Variants in TAFA2 observed in about 807,000 individuals in gnomAD.
The protein encoded by TAFA2 is TAFA chemokine like family member 2, also known as chemokine-like protein TAFA-2.
In TAFA2, 7 loss-of-function variants were observed where a neutral mutation model predicts 18.8. That is an observed-to-expected ratio of 0.37 (90% confidence interval 0.21 to 0.70). The LOEUF (loss-of-function observed/expected upper bound fraction) is 0.70. TAFA2 is among the 30% of genes least tolerant of loss of function. The pLI is 0.53. For synonymous variants in TAFA2, 60 were observed against 54.2 expected (o/e 1.11, Z -0.47); for missense variants, 122 against 158.1 (o/e 0.77, Z 1.23).
chr12:61,882,043 T>C (rs934075643), intron 1 of TAFA2, among the ~76,000 whole-genome samples: 16 of 152,190 alleles, frequency 1.1e-4, no homozygotes, highest in Admixed American at 6.5e-4. Flanking sequence ...TGAGTGCCAT[T>C]ATATGAAATA....
intron 1 of TAFA2, among the ~76,000 whole-genome samples, chr12:61,940,782 G>A (rs1004409917): frequency 1.3e-5 from 2 of 152,166 alleles, no homozygotes; most frequent in African/African-American, 4.8e-5. Flanking sequence ...GTAGAATGGA[G>A]GAAGAAGGAG....
At chr12:61,764,003 G>A (rs973964169) in intron 2 of TAFA2, among the ~76,000 whole-genome samples, 1 of 151,764 alleles carries the variant, frequency 6.6e-6, no homozygotes, top group Non-Finnish European at 1.5e-5. Context: ...TTAAATTAAA[G>A]CTATAATTAA....
intron 1 of TAFA2, among the ~76,000 whole-genome samples, chr12:62,170,831 C>T (rs2062472884): frequency 6.6e-6 from 1 of 152,132 alleles, no homozygotes; most frequent in Non-Finnish European, 1.5e-5. Flanking sequence ...ACTCTGTGTT[C>T]ATGTGTACAC....
intron 2 of TAFA2, among the ~76,000 whole-genome samples, chr12:61,835,544 T>G (rs1872886652): frequency 1.3e-5 from 2 of 151,766 alleles, no homozygotes; most frequent in South Asian, 4.2e-4. Flanking sequence ...AAGACTAGGG[T>G]TTTTAATGAT....
intron 1 of TAFA2, among the ~76,000 whole-genome samples, chr12:62,122,926 C>T (rs546488506): frequency 5.3e-5 from 8 of 152,204 alleles, no homozygotes; most frequent in African/African-American, 1.9e-4. Context: ...GCTTTTCTAC[C>T]ATGGAGAACC....
At chr12:62,094,273 G>A (rs1169775431) in intron 1 of TAFA2, among the ~76,000 whole-genome samples, 1 of 152,010 alleles carries the variant, frequency 6.6e-6, no homozygotes, top group African/African-American at 2.4e-5. Flanking sequence ...ATAAGTGGGA[G>A]CTAAGCTATG....
intron 1 of TAFA2, among the ~76,000 whole-genome samples, chr12:61,950,035 T>A (rs1278508755): frequency 6.6e-6 from 1 of 152,166 alleles, no homozygotes; most frequent in Non-Finnish European, 1.5e-5. Flanking sequence ...TTATTCTGAC[T>A]GGCTTATTTC....
chr12:61,892,332 G>A (rs1008607301), intron 1 of TAFA2, among the ~76,000 whole-genome samples: 5 of 152,116 alleles, frequency 3.3e-5, no homozygotes, highest in Admixed American at 1.3e-4. Context: ...AAGATATTAC[G>A]TAGGAAGTTG....
chr12:61,900,130 C>T (rs552241809), intron 1 of TAFA2, among the ~76,000 whole-genome samples: 31 of 152,222 alleles, frequency 2.0e-4, no homozygotes, highest in African/African-American at 7.0e-4. Context: ...GGCATATTTC[C>T]AGGTTTTTGC....
intron 1 of TAFA2, among the ~76,000 whole-genome samples, chr12:61,873,928 G>T (rs2121244275): frequency 6.6e-6 from 1 of 152,218 alleles, no homozygotes; most frequent in African/African-American, 2.4e-5. Context: ...TATATATAAA[G>T]GGTATACAGT....
intron 1 of TAFA2, among the ~76,000 whole-genome samples, chr12:61,894,547 T>C (rs565639811): frequency 6.6e-6 from 1 of 152,334 alleles, no homozygotes; most frequent in East Asian, 1.9e-4. Flanking sequence ...TAAAAATAGA[T>C]ATAGTATCTT....
chr12:61,941,455 A>G (rs1203844160), intron 1 of TAFA2, among the ~76,000 whole-genome samples: 2 of 152,222 alleles, frequency 1.3e-5, no homozygotes, highest in Admixed American at 6.5e-5. Flanking sequence ...AGGAGCCAAG[A>G]TGGCCGAATA....
At position 62,109,172 on chromosome 12, in the gene TAFA2, G is replaced by A. The variant is rs1308394509; in HGVS notation, c.-2+82087C>T. 2.6e-5 allele frequency among the ~76,000 whole-genome samples: 4 copies of A among 152,254 alleles called. No individual in the cohort carries two copies. The East Asian group carries it at 7.7e-4, about 29-fold the overall frequency. ...AATTTTTGTATAAGGTGTAAGGAAG[G>A]GGTCCAGTTTCAGTTTTCTGCATGT... On this transcript the variant is annotated intron_variant, in intron 1 of 4. Transcript: ENST00000416284.
intron 1 of TAFA2, among the ~76,000 whole-genome samples, chr12:62,076,229 A>G (rs1249655087): frequency 1.3e-5 from 2 of 152,202 alleles, no homozygotes; most frequent in East Asian, 1.9e-4. Context: ...AATCCATAGT[A>G]TGCTGAAAGA....
At chr12:62,022,901 A>G (rs1881192622) in intron 1 of TAFA2, among the ~76,000 whole-genome samples, 1 of 152,192 alleles carries the variant, frequency 6.6e-6, no homozygotes, top group South Asian at 2.1e-4. Context: ...GAATGAGGGG[A>G]GCAACCATAC....
chr12:61,924,621 G>A (rs1391123009), intron 1 of TAFA2, among the ~76,000 whole-genome samples: 2 of 152,138 alleles, frequency 1.3e-5, no homozygotes, highest in African/African-American at 4.8e-5. Flanking sequence ...ACCAGTACCA[G>A]CCACTGTAAA....
intron 1 of TAFA2, among the ~76,000 whole-genome samples, chr12:61,934,651 T>C (rs1242265071): frequency 6.6e-6 from 1 of 152,230 alleles, no homozygotes; most frequent in Non-Finnish European, 1.5e-5. Context: ...CTTCTCCAGA[T>C]GTTTCTCCAT....
chr12:62,125,009 A>T (rs903952163), intron 1 of TAFA2, among the ~76,000 whole-genome samples: 22 of 152,142 alleles, frequency 1.4e-4, no homozygotes, highest in Non-Finnish European at 1.2e-4. Context: ...GTGAAAACGG[A>T]GCAGGAACCC....
chr12:62,058,836 G>A (rs1882259367), intron 1 of TAFA2, among the ~76,000 whole-genome samples: 1 of 152,184 alleles, frequency 6.6e-6, no homozygotes, highest in African/African-American at 2.4e-5. Flanking sequence ...GGGTGCAATG[G>A]CTCACGCCTG....
Sources: allele counts gnomAD v4.1 joint callset (sites outside exome capture counted in the v4.1 genomes callset), GRCh38; gene constraint gnomAD v4.1.1; transcripts MANE v1.5; gene names NCBI Gene and HGNC (gene_info 2026-07-23, HGNC 2026-07-21).